Variants in COLEC10 observed in about 807,000 individuals in gnomAD.
COLEC10 encodes the protein collectin subfamily member 10, also known as collectin-10.
In COLEC10, 22 loss-of-function variants were observed where a neutral mutation model predicts 28.4. The observed-to-expected ratio is 0.78, with a 90% CI of 0.55 to 1.11. The LOEUF is 1.11. Ranked by LOEUF, COLEC10 falls within the 50% of genes least tolerant of loss-of-function variation. The pLI is 0.00. For missense variants in COLEC10, 361 were observed against 344.1 expected (o/e 1.05, Z -0.39); for synonymous variants, 125 against 116.1 (o/e 1.08, Z -0.49).
chr8:118,979,528 T>C, the COLEC10 span, among the ~76,000 whole-genome samples: 2 of 151,714 alleles, frequency 1.3e-5, no homozygotes, highest in East Asian at 3.9e-4. Context: ...TTGTTTTCAG[T>C]TTTTTTTCAA....
intron 2 of COLEC10, among the ~76,000 whole-genome samples, chr8:119,018,325 C>T (rs149029062): frequency 6.6e-4 from 100 of 152,218 alleles, no homozygotes; most frequent in African/African-American, 2.4e-3. Flanking sequence ...AAGGTATTGC[C>T]TTATTTACTT....
upstream of COLEC10, among the ~76,000 whole-genome samples, chr8:119,065,725 G>C (rs1262953336): frequency 6.6e-6 from 1 of 151,726 alleles, no homozygotes; most frequent in Non-Finnish European, 1.5e-5. Context: ...AGGTGCAGTG[G>C]TGTACACCTG....
intron 1 of COLEC10, 147 bp from the exon 2 acceptor site, chr8:119,089,533 G>A: frequency 1.7e-6 from 1 of 580,832 alleles, no homozygotes. Flanking sequence ...TCAAGTGCAT[G>A]TGAACATACA....
At chr8:119,028,843 G>C (rs1402901776) in intron 2 of COLEC10, among the ~76,000 whole-genome samples, 1 of 152,192 alleles carries the variant, frequency 6.6e-6, no homozygotes, top group Non-Finnish European at 1.5e-5. Flanking sequence ...ACTATGGCTA[G>C]TTAACAGTGG....
chr8:119,037,622 C>T (rs1340345890), intron 2 of COLEC10, among the ~76,000 whole-genome samples: 3 of 152,268 alleles, frequency 2.0e-5, no homozygotes, highest in Admixed American at 1.3e-4. Flanking sequence ...GTTTTACCCA[C>T]ATAAAGAACA....
chr8:119,029,087 A>C (rs1814243850), intron 2 of COLEC10, among the ~76,000 whole-genome samples: 1 of 152,164 alleles, frequency 6.6e-6, no homozygotes, highest in Admixed American at 6.5e-5. Flanking sequence ...AACATGTAAC[A>C]GGGGCACCTC....
At chr8:118,958,386 A>G in the COLEC10 span, among the ~76,000 whole-genome samples, 1 of 152,212 alleles carries the variant, frequency 6.6e-6, no homozygotes, top group African/African-American at 2.4e-5. Flanking sequence ...GAGGAGTTCC[A>G]CTAAAGCTTA....
chr8:119,105,040 A>C (rs1815909891), intron 5 of COLEC10, among the ~76,000 whole-genome samples: 1 of 152,146 alleles, frequency 6.6e-6, no homozygotes, highest in East Asian at 1.9e-4. Flanking sequence ...CCTGGGATGA[A>C]ATATGGACAA....
chr8:119,101,953 T>C (rs1223579201), intron 3 of COLEC10, among the ~76,000 whole-genome samples: 2 of 151,962 alleles, frequency 1.3e-5, no homozygotes, highest in Non-Finnish European at 1.5e-5. Context: ...CTGAGAATTG[T>C]ATTAGCCTTG....
chr8:119,086,190 T>C (rs1056642367), intron 1 of COLEC10, among the ~76,000 whole-genome samples: 8 of 152,286 alleles, frequency 5.3e-5, no homozygotes, highest in African/African-American at 1.9e-4. Context: ...GTGTTGGAAT[T>C]CTGCTGGTGG....
intron 2 of COLEC10, among the ~76,000 whole-genome samples, chr8:119,030,811 C>A (rs1037274276): frequency 6.6e-6 from 1 of 152,172 alleles, no homozygotes. Flanking sequence ...ATATTAAAGA[C>A]AATTACTACC....
At chr8:118,985,849 C>T in the COLEC10 span, among the ~76,000 whole-genome samples, 1 of 151,988 alleles carries the variant, frequency 6.6e-6, no homozygotes, top group Non-Finnish European at 1.5e-5. Context: ...ATAAGATTGT[C>T]AGGTAAGGGC....
At chr8:119,088,827 C>A (rs966515479) in intron 1 of COLEC10, among the ~76,000 whole-genome samples, 2 of 152,186 alleles carry the variant, frequency 1.3e-5, no homozygotes, top group Admixed American at 6.6e-5. Context: ...GCCATCATTG[C>A]TAAGCACTGA....
At chr8:119,060,923 A>T (rs973530021) in intron 2 of COLEC10, among the ~76,000 whole-genome samples, 1 of 152,104 alleles carries the variant, frequency 6.6e-6, no homozygotes, top group African/African-American at 2.4e-5. Context: ...ATCAAACAGA[A>T]GCACAAGGAA....
the COLEC10 span, among the ~76,000 whole-genome samples, chr8:118,962,750 T>C: frequency 6.6e-6 from 1 of 152,188 alleles, no homozygotes; most frequent in Non-Finnish European, 1.5e-5. Context: ...TTAAGACCAA[T>C]TGAACAACAC....
chr8:119,020,320 T>A (rs1413397007), intron 2 of COLEC10, among the ~76,000 whole-genome samples: 1 of 152,140 alleles, frequency 6.6e-6, no homozygotes, highest in African/African-American at 2.4e-5. Flanking sequence ...TAAATATTTA[T>A]TTTGAGCCCA....
intron 2 of COLEC10, among the ~76,000 whole-genome samples, chr8:119,043,583 A>G (rs1814534321): frequency 6.6e-6 from 1 of 152,228 alleles, no homozygotes; most frequent in Non-Finnish European, 1.5e-5. Context: ...GACTTTCAAT[A>G]TACATAAACA....
At chr8:118,971,685 A>T in the COLEC10 span, among the ~76,000 whole-genome samples, 1 of 151,998 alleles carries the variant, frequency 6.6e-6, no homozygotes, top group Non-Finnish European at 1.5e-5. Flanking sequence ...TACATAAAAA[A>T]TGTTGAAGTC....
chr8:119,035,688 C>A (rs977794657), intron 2 of COLEC10, among the ~76,000 whole-genome samples: 1 of 152,164 alleles, frequency 6.6e-6, no homozygotes, highest in African/African-American at 2.4e-5. Flanking sequence ...AAACTCTGGG[C>A]AAACCATTTG....
Sources: gnomAD v4.1 joint callset for allele counts (sites outside exome capture counted in the v4.1 genomes callset) on GRCh38, gnomAD v4.1.1 for gene constraint, MANE v1.5 for transcripts, NCBI Gene and HGNC (gene_info 2026-07-23, HGNC 2026-07-21) for gene names.